Variants in CFAP43 observed in about 807,000 individuals in gnomAD.
The protein encoded by CFAP43 is cilia- and flagella-associated protein 43.
In CFAP43, 155 loss-of-function variants were observed where a neutral mutation model predicts 218.9. That is an observed-to-expected ratio of 0.71 (90% CI 0.62 to 0.81). The LOEUF is 0.81. CFAP43 is among the 30% of genes least tolerant of loss of function. The pLI is 0.00. For synonymous variants in CFAP43, 645 were observed against 681.3 expected (o/e 0.95, Z 0.83); for missense variants, 1,778 against 1,954.3 (o/e 0.91, Z 1.70).
At chr10:104,197,359 C>T (rs1156860190) in intron 9 of CFAP43, among the ~76,000 whole-genome samples, 1 of 152,080 alleles carries the variant, frequency 6.6e-6, no homozygotes, top group Admixed American at 6.6e-5. Flanking sequence ...TTCACCTTCC[C>T]CTCCACACAC....
At chr10:104,217,077 C>G (rs1466129867) in intron 3 of CFAP43, among the ~76,000 whole-genome samples, 4 of 152,230 alleles carry the variant, frequency 2.6e-5, no homozygotes, top group Non-Finnish European at 5.9e-5. Flanking sequence ...CTCCAGCCCT[C>G]TCTCCTGAGC....
Position 104,193,800 on chromosome 10 carries a change from GC to G in CFAP43, c.1442+65del, listed in dbSNP as rs1436949835. 6 of 1,537,320 alleles carry G rather than the reference GC, an allele frequency of 3.9e-6. No homozygotes were observed. The East Asian group carries it at 1.4e-4, about 36-fold the overall frequency. ...AAACTTAAAATTAAAAGAAAGGATG[GC>G]TTCACTAGAATTTTCAACAGACGGG... On this transcript the variant is annotated intron_variant, in intron 11 of 37. Transcript: ENST00000357060.
intron 3 of CFAP43, among the ~76,000 whole-genome samples, chr10:104,217,477 G>A (rs1426586814): frequency 1.3e-5 from 2 of 152,080 alleles, no homozygotes; most frequent in Non-Finnish European, 2.9e-5. Context: ...TCAGAGCCAT[G>A]TACATCACTG....
At chr10:104,214,455 A>C in intron 3 of CFAP43, 29 bp from the exon 4 acceptor site, 1 of 1,521,932 alleles carries the variant, frequency 6.6e-7, no homozygotes, top group Non-Finnish European at 8.8e-7. Context: ...TTGATGAAAA[A>C]AAGTTCATTT....
intron 17 of CFAP43, among the ~76,000 whole-genome samples, chr10:104,180,544 C>T (rs1206599048): frequency 6.6e-6 from 1 of 150,420 alleles, no homozygotes; most frequent in Non-Finnish European, 1.5e-5. Flanking sequence ...CTCCTGGGTT[C>T]ATGCCATTCT....
Position 104,161,602 on chromosome 10 carries a change from A to C in CFAP43, c.3414+359T>G, listed in dbSNP as rs74154743. On this transcript the variant is annotated intron_variant, in intron 26 of 37. Transcript: ENST00000357060. ...TTGTCAGATTGGAAGGCAAACCTGCATTTTCAAATTTATTATCTGTCTAAC... is the reference window on the plus strand; with the variant it reads ...TTGTCAGATTGGAAGGCAAACCTGCCTTTTCAAATTTATTATCTGTCTAAC... 8.1e-3 allele frequency among the ~76,000 whole-genome samples: 1,238 copies of C among 152,222 alleles called. 16 individuals carry two copies. Among genetic ancestry groups the C allele is most frequent in the African/African-American group, 0.028 (1,153 of 41,544 alleles).
chr10:104,212,029 C>T lies in CFAP43; in HGVS notation c.713G>A (p.Gly238Asp), dbSNP rs747157933. ...TACCCGGAAAGTCTCTGCCTCTTTG[C>T]CTACCAGCCCGGCAATGGCTGACAG... ...LPLSAIAGLV[G>D]KEAETFRPKD... Residue 238 changes from glycine (G) to aspartate (D), a missense_variant, in exon 5 of 38, where the codon GGC becomes GAC. By Grantham distance (94) the Gly-to-Asp change is moderately conservative (BLOSUM62 -1). This residue lies in a region of CFAP43 where 1,553 missense variants were observed against 1,685.2 expected (regional missense o/e 0.92). Transcript: ENST00000357060. The T allele has an allele frequency of 6.2e-7, 1 of 1,613,290 alleles. No individual in the cohort carries two copies. Among genetic ancestry groups the T allele is most frequent in the Non-Finnish European group, 8.5e-7 (1 of 1,179,506 alleles).
At position 104,232,218 on chromosome 10, in the gene CFAP43, C is replaced by A. The variant is rs373215387; in HGVS notation, c.29G>T (p.Gly10Val). 48 of 1,609,034 alleles carry A rather than the reference C, an allele frequency of 3.0e-5. No individual in the cohort carries two copies. Among genetic ancestry groups the A allele is most frequent in the Non-Finnish European group, 3.9e-5 (46 of 1,178,560 alleles). ...GGACGCGCCGCCGGCGGAGTGGGGG[C>A]CTTCGTCGCGCTCCCGGCCTTGCGC... MAQGRERDE[G>V]PHSAGGASLS... Residue 10 changes from glycine to valine, a missense_variant, in exon 1 of 38, where the codon GGC (glycine) becomes GTC (valine). Gly to Val is a moderately radical substitution (Grantham distance 109, BLOSUM62 -3). This residue lies in a region of CFAP43 where 1,553 missense variants were observed against 1,685.2 expected (regional missense o/e 0.92). Transcript: ENST00000357060.
intron 7 of CFAP43, 36 bp from the exon 8 acceptor site, chr10:104,203,839 T>G (rs1589771259): frequency 6.4e-7 from 1 of 1,560,732 alleles, no homozygotes; most frequent in East Asian, 2.3e-5. Flanking sequence ...AAAATCAGTC[T>G]TAGTCAATGC....
chr10:104,177,734 G>T (rs2089682684), intron 19 of CFAP43, among the ~76,000 whole-genome samples: 1 of 152,126 alleles, frequency 6.6e-6, no homozygotes, highest in South Asian at 2.1e-4. Flanking sequence ...ATAAAGAGAG[G>T]ATTCTATAAG....
At chr10:104,134,522 T>C (rs980049949) in intron 34 of CFAP43, among the ~76,000 whole-genome samples, 1 of 152,004 alleles carries the variant, frequency 6.6e-6, no homozygotes, top group Non-Finnish European at 1.5e-5. Context: ...AAGGCTCAAA[T>C]TGCTAAAATA....
chr10:104,168,873 A>C, intron 20 of CFAP43, 25 bp from the exon 21 acceptor site: 1 of 1,564,800 alleles, frequency 6.4e-7, no homozygotes, highest in South Asian at 1.1e-5. Flanking sequence ...ACAAAGGGAA[A>C]AGATAAAAAT....
intron 5 of CFAP43, among the ~76,000 whole-genome samples, chr10:104,210,604 A>C (rs1370288315): frequency 6.6e-6 from 1 of 151,988 alleles, no homozygotes; most frequent in Non-Finnish European, 1.5e-5. Context: ...CTTCATCCCA[A>C]AGGTCTTGCA....
At chr10:104,197,050 G>T (rs1047520263) in intron 9 of CFAP43, 117 bp from the exon 10 acceptor site, 9 of 701,762 alleles carry the variant, frequency 1.3e-5, no homozygotes, top group Non-Finnish European at 1.9e-5. Context: ...TTTTACTTAC[G>T]TGGATTATAA....
intron 8 of CFAP43, among the ~76,000 whole-genome samples, chr10:104,198,458 C>G (rs1436421649): frequency 6.7e-6 from 1 of 149,006 alleles, no homozygotes; most frequent in Non-Finnish European, 1.5e-5. Flanking sequence ...ATTTTGTATT[C>G]TTACTAGAGA....
At chr10:104,216,300 C>T (rs2091009991) in intron 3 of CFAP43, among the ~76,000 whole-genome samples, 1 of 152,192 alleles carries the variant, frequency 6.6e-6, no homozygotes, top group East Asian at 1.9e-4. Flanking sequence ...GCACTGTTCA[C>T]CACAACCACC....
intron 27 of CFAP43, among the ~76,000 whole-genome samples, chr10:104,159,865 C>CA (rs2088780333): frequency 6.6e-6 from 1 of 152,064 alleles, no homozygotes; most frequent in Non-Finnish European, 1.5e-5. Context: ...CACAGAGAAA[C>CA]AATGAAATCA....
intron 10 of CFAP43, among the ~76,000 whole-genome samples, chr10:104,194,551 T>C (rs893926184): frequency 2.0e-5 from 3 of 152,168 alleles, no homozygotes; most frequent in Admixed American, 6.6e-5. Context: ...AACATTTTTA[T>C]AGATCCTGAG....
chr10:104,130,641 C>T (rs976967691), intron 37 of CFAP43, among the ~76,000 whole-genome samples: 2 of 152,160 alleles, frequency 1.3e-5, no homozygotes, highest in African/African-American at 4.8e-5. Context: ...CCAAATACCA[C>T]ATGTTCTCAC....
Sources: gnomAD v4.1 joint callset for allele counts (sites outside exome capture counted in the v4.1 genomes callset) on GRCh38, gnomAD v4.1.1 for gene constraint, gnomAD v4.1.1 regional missense constraint, MANE v1.5 for transcripts, NCBI Gene and HGNC (gene_info 2026-07-23, HGNC 2026-07-21) for gene names.